The following LYST variants were observed in gnomAD, a reference collection of about 807,000 sequenced individuals.
LYST encodes lysosomal-trafficking regulator.
Under a neutral mutation model 413.6 loss-of-function variants are expected in LYST, and 192 were observed. The ratio of observed to expected loss-of-function variants is 0.46; its 90% CI spans 0.41 to 0.52. LYST has a LOEUF of 0.52. LYST is among the 20% of genes least tolerant of loss of function. The pLI, the probability that LYST is intolerant of heterozygous loss-of-function variation, is 0.00. For synonymous variants in LYST, 1,525 were observed against 1,567.3 expected, an observed-to-expected ratio of 0.97 and a Z score of 0.64; for missense variants, 3,815 against 4,499.9, an observed-to-expected ratio of 0.85 and a Z score of 4.35.
intron 23 of LYST, among the ~76,000 whole-genome samples, chr1:235,757,681 T>C (rs1667171043): frequency 6.6e-6 from 1 of 152,240 alleles, no homozygotes; most frequent in Admixed American, 6.5e-5. Flanking sequence ...ATTGTACATC[T>C]CTGATGTCTA....
intron 32 of LYST, 38 bp from the exon 33 acceptor site, chr1:235,733,944 A>C (rs766124885): frequency 9.8e-7 from 1 of 1,017,422 alleles, no homozygotes; most frequent in Non-Finnish European, 1.4e-6. Flanking sequence ...TATAAAATTT[A>C]TTATTTCTCA....
Position 235,762,811 on chromosome 1 carries a change from G to A in LYST, c.6162C>T (p.Tyr2054=). The A allele has an allele frequency of 1.9e-6, 3 of 1,613,268 alleles. No individual in the cohort carries two copies. Among genetic ancestry groups the A allele is most frequent in the Non-Finnish European group, 2.5e-6 (3 of 1,179,470 alleles). Reference sequence around the variant, plus strand: ...TTCCTCCACTGCTGGAATGCCTCAGGTACATGATTGACCGCACTTTCTCCT... The same window carrying A: ...TTCCTCCACTGCTGGAATGCCTCAGATACATGATTGACCGCACTTTCTCCT... ...IFQEKVRSIM[Y]LRHSSSGGRS... The change falls in exon 22 of 53, where the codon TAC becomes TAT. Residue 2054 remains tyrosine, a synonymous_variant. Transcript: ENST00000389793.
chr1:235,738,195 C>T, intron 31 of LYST: 1 of 1,610,236 alleles, frequency 6.2e-7, no homozygotes, highest in Admixed American at 1.7e-5. Flanking sequence ...GATGGATCTC[C>T]ACCATGGCAG....
Position 235,709,248 on chromosome 1 carries a change from C to T in LYST, c.9986G>A (p.Trp3329Ter). The change falls in exon 44 of 53, where the codon TGG (tryptophan) becomes TAG (stop). Residue 3329 changes from tryptophan to a stop codon, truncating the protein, a stop_gained. Transcript: ENST00000389793. LOFTEE classifies it high-confidence loss of function. ...AAAAAGACGAGGATCATTACGCGCC[C>T]AAGGGGGAAGGTTGACGTGATTAAC... is the stretch of plus-strand genomic sequence containing the variant. ...ERVNHVNLPP[W>*]ARNDPRLFIL... 1 of 1,614,082 alleles carries T rather than the reference C, an allele frequency of 6.2e-7. No homozygotes were observed. Among genetic ancestry groups the T allele is most frequent in the East Asian group, 2.2e-5 (1 of 44,876 alleles).
At chr1:235,833,359 C>T (rs1027868256) in intron 2 of LYST, among the ~76,000 whole-genome samples, 1 of 152,148 alleles carries the variant, frequency 6.6e-6, no homozygotes, top group Non-Finnish European at 1.5e-5. Context: ...CTGTATATAT[C>T]CTTTTGTAAC....
chr1:235,683,693 T>C (rs1157035874), intron 48 of LYST, among the ~76,000 whole-genome samples: 1 of 152,192 alleles, frequency 6.6e-6, no homozygotes, highest in East Asian at 1.9e-4. Flanking sequence ...GGGGGGCCCA[T>C]CTTTTGTCTG....
At position 235,780,936 on chromosome 1, in the gene LYST, C is replaced by A; in HGVS notation, c.5143G>T (p.Glu1715Ter). The A allele has an allele frequency of 6.3e-7, 1 of 1,593,424 alleles. No individual in the cohort carries two copies. Among genetic ancestry groups the A allele is most frequent in the Non-Finnish European group, 8.6e-7 (1 of 1,165,708 alleles). The part of the protein sequence containing the change: ...VNDYSKYINK[E>*]ILRCEQIREL... ...CTGATTTGTTCACATCGCAAAATTT[C>A]TTTATTAATATATTTGGAGTAGTCA... Residue 1715 changes from glutamate to a stop codon, truncating the protein, a stop_gained, in exon 16 of 53, where the codon GAA becomes TAA. Transcript: ENST00000389793. LOFTEE classifies it high-confidence loss of function.
At position 235,663,095 on chromosome 1, in the gene LYST, A is replaced by G. The variant is rs78352777; in HGVS notation, c.11268-17T>C. ...AATGTAAGGCTGTAAAAAAAAAAAA[A>G]TTCCCATTTGTACATTATATTTCTT... On this transcript the variant is annotated splice_polypyrimidine_tract_variant and intron_variant, in intron 52 of 52. Coordinates refer to ENST00000389793, the MANE Select transcript of LYST (RefSeq NM_000081.4). 6 of 1,250,530 alleles carry G rather than the reference A, an allele frequency of 4.8e-6. No individual in the cohort carries two copies. Among genetic ancestry groups the G allele is most frequent in the East Asian group, 2.3e-5 (1 of 44,050 alleles). The allele number at this position is 1,250,530 out of a possible 1,614,324, so 77.5% of individuals were successfully genotyped here.
intron 42 of LYST, chr1:235,713,020 CA>C: frequency 1.0e-6 from 1 of 985,338 alleles, no homozygotes; most frequent in African/African-American, 1.7e-5. Context: ...GAAATTTGAA[CA>C]CATCTTTTCA....
At chr1:235,793,098 G>C (rs888171527) in intron 11 of LYST, among the ~76,000 whole-genome samples, 1 of 152,180 alleles carries the variant, frequency 6.6e-6, no homozygotes, top group African/African-American at 2.4e-5. Context: ...AAGACACTAA[G>C]CCACACCAAT....
intron 48 of LYST, among the ~76,000 whole-genome samples, chr1:235,682,283 C>G (rs1659885309): frequency 6.6e-6 from 1 of 152,152 alleles, no homozygotes; most frequent in Admixed American, 6.5e-5. Flanking sequence ...CGTGATTGTG[C>G]CACTGTACTC....
At chr1:235,764,715 C>A (rs1667960533) in intron 21 of LYST, among the ~76,000 whole-genome samples, 1 of 151,788 alleles carries the variant, frequency 6.6e-6, no homozygotes, top group African/African-American at 2.4e-5. Context: ...GTTGGTCAGG[C>A]AGGTCTTGAA....
intron 29 of LYST, among the ~76,000 whole-genome samples, chr1:235,744,765 G>C (rs1665744697): frequency 6.6e-6 from 1 of 151,778 alleles, no homozygotes; most frequent in South Asian, 2.1e-4. Context: ...GCCGGGCATG[G>C]GGTGCACACC....
chr1:235,823,892 G>A (rs761778130), intron 3 of LYST, among the ~76,000 whole-genome samples: 7 of 152,182 alleles, frequency 4.6e-5, no homozygotes, highest in Non-Finnish European at 8.8e-5. Flanking sequence ...AAAGCGAAGA[G>A]CTCCTGGTAA....
rs746209444 is a variant in LYST, at chr1:235,712,109, T to C, written c.9873A>G (p.Lys3291=). The part of the protein sequence containing the change: ...LSSFESMTDV[K]ELIPEFFYLP... ...GATAGAAAAACTCTGGGATAAGTTC[T>C]TTCACATCAGTCATAGATTCAAAAG... Residue 3291 remains lysine, a synonymous_variant, in exon 43 of 53, where the codon AAA becomes AAG. Coordinates refer to ENST00000389793, the MANE Select transcript of LYST (RefSeq NM_000081.4). The C allele has an allele frequency of 6.4e-7, 1 of 1,563,438 alleles. No individual in the cohort carries two copies. The highest frequency in any genetic ancestry group is 1.2e-5 in the South Asian group (1 of 85,476).
intron 22 of LYST, among the ~76,000 whole-genome samples, chr1:235,762,182 C>T (rs1667661042): frequency 6.6e-6 from 1 of 151,938 alleles, no homozygotes; most frequent in South Asian, 2.1e-4. Flanking sequence ...CATGATTGTA[C>T]AGTATTTGAA....
At position 235,662,159 on chromosome 1, in the gene LYST, T is replaced by C. The variant is rs1658094754; in HGVS notation, c.*781A>G. ...TCTGTAAATAGCAGACTTTAAGACT[T>C]ACCATTGTGTTTAAACCTCAGTGAC... On this transcript the variant is annotated 3_prime_UTR_variant, in exon 53 of 53. Coordinates refer to ENST00000389793, the MANE Select transcript of LYST (RefSeq NM_000081.4). 1 of 152,332 alleles carries C rather than the reference T, an allele frequency of 6.6e-6. No individual in the cohort carries two copies. Among genetic ancestry groups the C allele is most frequent in the South Asian group, 2.1e-4 (1 of 4,836 alleles). 9.4% of individuals were successfully genotyped at this position (152,332 alleles called of 1,614,324 possible).
chr1:235,792,164 G>T, intron 11 of LYST, 39 bp from the exon 12 acceptor site: 2 of 1,278,612 alleles, frequency 1.6e-6, no homozygotes, highest in Non-Finnish European at 2.3e-6. Context: ...TTCTAATCAC[G>T]TAATAAAGTA....
At chr1:235,752,480 T>C (rs1366357979) in intron 26 of LYST, among the ~76,000 whole-genome samples, 3 of 152,230 alleles carry the variant, frequency 2.0e-5, no homozygotes, top group African/African-American at 7.2e-5. Context: ...TAATACACGA[T>C]ACTATAAGAA....
Sources: allele counts gnomAD v4.1 joint callset (sites outside exome capture counted in the v4.1 genomes callset), GRCh38; gene constraint gnomAD v4.1.1; transcripts MANE v1.5; gene names NCBI Gene and HGNC (gene_info 2026-07-23, HGNC 2026-07-21).